KCNAB1: variants seen among roughly 807,000 people sequenced by gnomAD.
KCNAB1 encodes the protein potassium voltage-gated channel subfamily A regulatory beta subunit 1.
In KCNAB1, 35 loss-of-function variants were observed where a neutral mutation model predicts 64.6. That is an observed-to-expected ratio of 0.54 (90% confidence interval 0.41 to 0.72). The LOEUF (loss-of-function observed/expected upper bound fraction) is 0.72, where lower values mean the gene tolerates loss of function less well. Ranked by LOEUF, KCNAB1 falls within the 30% of genes least tolerant of loss-of-function variation. The pLI, the probability that KCNAB1 is intolerant of heterozygous loss-of-function variation, is 0.00. For synonymous variants in KCNAB1, 177 were observed against 183.8 expected, an observed-to-expected ratio of 0.96 and a Z score of 0.30; for missense variants, 401 against 512.9, an observed-to-expected ratio of 0.78 and a Z score of 2.11.
At chr3:156,240,826 G>A (rs1717119927) in intron 1 of KCNAB1, among the ~76,000 whole-genome samples, 1 of 152,200 alleles carries the variant, frequency 6.6e-6, no homozygotes, top group South Asian at 2.1e-4. Flanking sequence ...TCATTTGGGA[G>A]GCACAGGAAA....
intron 1 of KCNAB1, among the ~76,000 whole-genome samples, chr3:156,406,084 T>G (rs1714227329): frequency 1.3e-5 from 2 of 152,226 alleles, no homozygotes; most frequent in Admixed American, 6.5e-5. Context: ...CTTAATTCTA[T>G]TAGGAGTATC....
intron 2 of KCNAB1, among the ~76,000 whole-genome samples, chr3:156,433,770 C>G (rs1323332185): frequency 1.3e-5 from 2 of 152,154 alleles, no homozygotes; most frequent in Non-Finnish European, 2.9e-5. Context: ...TTACTCCTCA[C>G]TTGGGTTTTG....
intron 1 of KCNAB1, among the ~76,000 whole-genome samples, chr3:156,281,176 G>C (rs1355718324): frequency 9.6e-5 from 14 of 145,858 alleles, no homozygotes; most frequent in East Asian, 4.0e-4. Flanking sequence ...TAGCATGAAG[G>C]GTTGTTGAAT....
chr3:156,315,585 C>A (rs1228428859), intron 1 of KCNAB1, among the ~76,000 whole-genome samples: 1 of 152,060 alleles, frequency 6.6e-6, no homozygotes, highest in Non-Finnish European at 1.5e-5. Flanking sequence ...CATGTTTTTA[C>A]TATCCCTTAC....
intron 1 of KCNAB1, among the ~76,000 whole-genome samples, chr3:156,410,910 TAC>T (rs755512833): frequency 1.4e-4 from 21 of 152,234 alleles, no homozygotes; most frequent in Non-Finnish European, 2.8e-4. Context: ...AATATTTATA[TAC>T]ACTTTTTTGT....
intron 1 of KCNAB1, among the ~76,000 whole-genome samples, chr3:156,135,617 T>C (rs755128684): frequency 2.0e-5 from 3 of 152,196 alleles, no homozygotes; most frequent in Non-Finnish European, 4.4e-5. Context: ...AAGAGAGAGA[T>C]TGCTTGATTG....
intron 1 of KCNAB1, among the ~76,000 whole-genome samples, chr3:156,272,523 A>G (rs1349579022): frequency 6.6e-6 from 1 of 151,890 alleles, no homozygotes; most frequent in Non-Finnish European, 1.5e-5. Flanking sequence ...CCGGGCTACC[A>G]CCAGTGTTCC....
At chr3:156,211,142 C>T (rs754267441) in intron 1 of KCNAB1, among the ~76,000 whole-genome samples, 1 of 151,972 alleles carries the variant, frequency 6.6e-6, no homozygotes, top group Non-Finnish European at 1.5e-5. Context: ...CTCATCCATG[C>T]TGAGAGAATA....
chr3:156,218,490 A>G (rs1715465733), intron 1 of KCNAB1, among the ~76,000 whole-genome samples: 1 of 152,044 alleles, frequency 6.6e-6, no homozygotes, highest in South Asian at 2.1e-4. Flanking sequence ...TGAATACTTA[A>G]CCAGTTGTCC....
intron 1 of KCNAB1, among the ~76,000 whole-genome samples, chr3:156,402,001 G>A (rs1223668242): frequency 6.6e-6 from 1 of 152,014 alleles, no homozygotes; most frequent in East Asian, 1.9e-4. Context: ...GTCCTGTCGG[G>A]GACTGGGGAG....
At chr3:156,242,978 C>T (rs938332444) in intron 1 of KCNAB1, among the ~76,000 whole-genome samples, 5 of 152,064 alleles carry the variant, frequency 3.3e-5, no homozygotes, top group Admixed American at 1.3e-4. Context: ...GGCACAATCT[C>T]AGCTCACTGC....
At chr3:156,281,449 G>A (rs1314482784) in intron 1 of KCNAB1, among the ~76,000 whole-genome samples, 1 of 150,010 alleles carries the variant, frequency 6.7e-6, no homozygotes, top group Non-Finnish European at 1.5e-5. Context: ...GTCTCTGCCT[G>A]GCTTTGGTAT....
intron 1 of KCNAB1, among the ~76,000 whole-genome samples, chr3:156,249,563 A>C (rs1179362942): frequency 6.6e-6 from 1 of 151,352 alleles, no homozygotes; most frequent in Non-Finnish European, 1.5e-5. Flanking sequence ...CTCTGTCTAA[A>C]AAAAAAAGAA....
intron 5 of KCNAB1, among the ~76,000 whole-genome samples, chr3:156,461,337 T>C (rs1712895386): frequency 6.6e-6 from 1 of 152,234 alleles, no homozygotes; most frequent in South Asian, 2.1e-4. Flanking sequence ...TTGCTTCCTC[T>C]TAGCTTCCAG....
intron 1 of KCNAB1, among the ~76,000 whole-genome samples, chr3:156,267,198 T>G (rs1320829857): frequency 1.3e-5 from 2 of 152,220 alleles, no homozygotes; most frequent in Non-Finnish European, 2.9e-5. Flanking sequence ...CATATTATTT[T>G]GCGGGCTGCT....
intron 1 of KCNAB1, among the ~76,000 whole-genome samples, chr3:156,276,530 T>C (rs1296630246): frequency 6.6e-6 from 1 of 152,208 alleles, no homozygotes; most frequent in Non-Finnish European, 1.5e-5. Flanking sequence ...GAAGGCTATT[T>C]TGTCTACATT....
intron 8 of KCNAB1, among the ~76,000 whole-genome samples, chr3:156,493,478 G>A (rs1327457360): frequency 6.6e-6 from 1 of 151,912 alleles, no homozygotes; most frequent in Non-Finnish European, 1.5e-5. Context: ...TAAAAAGTAA[G>A]GAAAATAGTA....
At chr3:156,502,036 C>T (rs187273949) in intron 8 of KCNAB1, among the ~76,000 whole-genome samples, 74 of 152,140 alleles carry the variant, frequency 4.9e-4, no homozygotes, top group Admixed American at 1.4e-3. Flanking sequence ...GGGTCCCTCC[C>T]GCAACATGTG....
At chr3:156,369,187 A>T (rs1576782906) in intron 1 of KCNAB1, among the ~76,000 whole-genome samples, 1 of 152,312 alleles carries the variant, frequency 6.6e-6, no homozygotes, top group Non-Finnish European at 1.5e-5. Context: ...TAAAATTCAC[A>T]GAAGTGGAAT....
Sources: gnomAD v4.1 joint callset for allele counts (sites outside exome capture counted in the v4.1 genomes callset) on GRCh38, gnomAD v4.1.1 for gene constraint, MANE v1.5 for transcripts, NCBI Gene and HGNC (gene_info 2026-07-23, HGNC 2026-07-21) for gene names.